Variants in PSD2 observed in about 807,000 individuals in gnomAD.
The protein encoded by PSD2 is pleckstrin and Sec7 domain containing 2, also known as PH and SEC7 domain-containing protein 2.
Under a neutral mutation model 69.8 loss-of-function variants are expected in PSD2, and 38 were observed. The ratio of observed to expected loss-of-function variants is 0.54; its 90% CI spans 0.42 to 0.71. The LOEUF (loss-of-function observed/expected upper bound fraction) is 0.71, where lower values mean the gene tolerates loss of function less well. PSD2 is among the 30% of genes least tolerant of loss of function. The pLI, the probability that PSD2 is intolerant of heterozygous loss-of-function variation, is 0.00. For synonymous variants in PSD2, 412 were observed against 423.0 expected (o/e 0.97, Z 0.32); for missense variants, 943 against 1,014.5 (o/e 0.93, Z 0.96).
At chr5:139,756,778 C>G in the PSD2 span, among the ~76,000 whole-genome samples, 1 of 152,154 alleles carries the variant, frequency 6.6e-6, no homozygotes, top group Non-Finnish European at 1.5e-5. Flanking sequence ...TGGCGATGTC[C>G]TCTGTCTGCT....
intron 5 of PSD2, among the ~76,000 whole-genome samples, chr5:139,820,913 G>T (rs556061952): frequency 1.3e-5 from 2 of 151,106 alleles, no homozygotes; most frequent in South Asian, 4.2e-4. Context: ...GCTATTCTGA[G>T]GGTGCCAAGG....
At chr5:139,754,116 A>G in the PSD2 span, among the ~76,000 whole-genome samples, 1 of 151,658 alleles carries the variant, frequency 6.6e-6, no homozygotes, top group African/African-American at 2.4e-5. Context: ...GATTACAGGC[A>G]TGAGCCACTG....
rs1044498758 is a variant in PSD2, at chr5:139,821,184, C to T, written c.1098-709C>T. 5.3e-5 allele frequency among the ~76,000 whole-genome samples: 8 copies of T among 152,166 alleles called. No homozygotes were observed. The East Asian group carries it at 9.6e-4, about 18-fold the overall frequency. On this transcript the variant is annotated intron_variant, in intron 5 of 14. Coordinates refer to ENST00000274710, the MANE Select transcript of PSD2 (RefSeq NM_032289.4). The stretch of plus-strand genomic sequence containing the variant: ...CTGACCTTGGGTGATCTGCCCAACT[C>T]GGCCTCCCAAAATGCTGGGATTATA...
At chr5:139,807,517 C>T (rs1227582811) in intron 1 of PSD2, among the ~76,000 whole-genome samples, 3 of 152,110 alleles carry the variant, frequency 2.0e-5, no homozygotes, top group Non-Finnish European at 2.9e-5. Flanking sequence ...TAGAGGTCTC[C>T]GATGTCCTAG....
chr5:139,744,895 A>C, the PSD2 span: 1 of 152,312 alleles, frequency 6.6e-6, no homozygotes, highest in African/African-American at 2.4e-5. Flanking sequence ...AGCTGCCACC[A>C]CTGGGAATGG....
chr5:139,824,677 T>C (rs759823851), intron 7 of PSD2, among the ~76,000 whole-genome samples: 3 of 152,226 alleles, frequency 2.0e-5, no homozygotes, highest in Non-Finnish European at 4.4e-5. Context: ...CTGTGTGGCC[T>C]GAGACAAGTT....
chr5:139,760,084 C>A, the PSD2 span, among the ~76,000 whole-genome samples: 2 of 152,240 alleles, frequency 1.3e-5, no homozygotes, highest in East Asian at 1.9e-4. Flanking sequence ...TACTCCCTGA[C>A]CTTCGGTCCT....
Position 139,813,376 on chromosome 5 carries a change from T to A in PSD2, c.439T>A (p.Ser147Thr), listed in dbSNP as rs910348823. Reference sequence around the variant, plus strand: ...CGCCACGTTTGAGAAGATTCTGGAGTCAGAGCTGCTGCGGGGCACCCAGTA... The same window carrying A: ...CGCCACGTTTGAGAAGATTCTGGAGACAGAGCTGCTGCGGGGCACCCAGTA... The part of the protein sequence containing the change: ...FSATFEKILE[S>T]ELLRGTQYSS... Residue 147 changes from serine (S) to threonine (T), a missense_variant, in exon 3 of 15, where the codon TCA becomes ACA. By Grantham distance (58) the Ser-to-Thr change is moderately conservative. Coordinates refer to ENST00000274710, the MANE Select transcript of PSD2 (RefSeq NM_032289.4). The A allele has an allele frequency of 6.3e-7, 1 of 1,597,944 alleles. No individual in the cohort carries two copies.
chr5:139,788,241 G>C, the PSD2 span, among the ~76,000 whole-genome samples: 3 of 151,202 alleles, frequency 2.0e-5, no homozygotes, highest in Non-Finnish European at 3.0e-5. Flanking sequence ...CCCCCTGCGG[G>C]AACCTTCCCG....
In PSD2 at chr5:139,838,573, G is replaced by A. The variant is rs2126969543; in HGVS notation, c.1824-55G>A. On this transcript the variant is annotated intron_variant, in intron 12 of 14. Coordinates refer to ENST00000274710, the MANE Select transcript of PSD2 (RefSeq NM_032289.4). The stretch of plus-strand genomic sequence containing the variant: ...AGTGCTGGGTACGGGATGCTGAGTA[G>A]GGGACAGGGAGTCCTGTGTGAGAGG... 4 of 1,582,052 alleles carry A rather than the reference G, an allele frequency of 2.5e-6. No homozygotes were observed. The East Asian group carries it at 6.8e-5, about 27-fold the overall frequency.
At chr5:139,829,554 C>T (rs1358946836) in intron 7 of PSD2, among the ~76,000 whole-genome samples, 1 of 152,198 alleles carries the variant, frequency 6.6e-6, no homozygotes, top group Non-Finnish European at 1.5e-5. Context: ...GTGAATTTGT[C>T]TACCGTAGAT....
rs1039860176 is a variant in PSD2, at chr5:139,839,386, G to A, written c.1968+614G>A. ...TGCCCAGAACCTTTGTGCAATGCAC[G>A]TACACCATGTATGTGCACAAACCAT... On this transcript the variant is annotated intron_variant, in intron 13 of 14. Coordinates refer to ENST00000274710, the MANE Select transcript of PSD2 (RefSeq NM_032289.4). The surrounding 1 kb of genome is among the most constrained non-coding windows in gnomAD (Gnocchi z 5.1). Among the ~76,000 whole-genome samples the A allele has an allele frequency of 5.9e-5, 9 of 152,342 alleles. No individual in the cohort carries two copies. The highest frequency in any genetic ancestry group is 1.9e-4 in the East Asian group (1 of 5,184).
At chr5:139,803,192 G>A (rs1398563235) in intron 1 of PSD2, among the ~76,000 whole-genome samples, 1 of 152,246 alleles carries the variant, frequency 6.6e-6, no homozygotes, top group Non-Finnish European at 1.5e-5. Context: ...GCTGCCTTGG[G>A]AAAGGGAGGG....
At chr5:139,811,682 C>T (rs752827805) in intron 2 of PSD2, among the ~76,000 whole-genome samples, 7 of 152,102 alleles carry the variant, frequency 4.6e-5, no homozygotes, top group African/African-American at 4.8e-5. Flanking sequence ...GCAAGCTCCA[C>T]CTCCCGGGTT....
chr5:139,743,435 G>A, the PSD2 span, among the ~76,000 whole-genome samples: 2 of 152,216 alleles, frequency 1.3e-5, no homozygotes, highest in Non-Finnish European at 2.9e-5. Context: ...GGGGTGGAAT[G>A]TGTGTTTGGT....
intron 14 of PSD2, among the ~76,000 whole-genome samples, chr5:139,840,388 C>T (rs1760844811): frequency 6.6e-6 from 1 of 152,184 alleles, no homozygotes; most frequent in Non-Finnish European, 1.5e-5. Flanking sequence ...GATGAAGGCC[C>T]TCAGATGCTG....
At chr5:139,786,371 G>C in the PSD2 span, among the ~76,000 whole-genome samples, 1 of 152,210 alleles carries the variant, frequency 6.6e-6, no homozygotes, top group African/African-American at 2.4e-5. Context: ...CTGGGGGACA[G>C]AGCAAGACCC....
At chr5:139,784,643 C>T in the PSD2 span, among the ~76,000 whole-genome samples, 2 of 152,206 alleles carry the variant, frequency 1.3e-5, no homozygotes, top group African/African-American at 4.8e-5. Context: ...TCCCTGTTCC[C>T]TTTGCTCCTT....
chr5:139,745,662 G>T, the PSD2 span, among the ~76,000 whole-genome samples: 1 of 152,208 alleles, frequency 6.6e-6, no homozygotes, highest in South Asian at 2.1e-4. Context: ...CGGGTGCGGG[G>T]CAGTGCGGAG....
Sources: gnomAD v4.1 joint callset for allele counts (sites outside exome capture counted in the v4.1 genomes callset) on GRCh38, gnomAD v4.1.1 for gene constraint, Gnocchi (gnomAD v3.1) non-coding constraint, MANE v1.5 for transcripts, NCBI Gene and HGNC (gene_info 2026-07-23, HGNC 2026-07-21) for gene names.